Variants in CRB2 observed in about 807,000 individuals in gnomAD.
CRB2 encodes the protein protein crumbs homolog 2.
CRB2 carries 85 observed loss-of-function variants against 110.9 expected under a neutral mutation model. The observed-to-expected ratio is 0.77, with a 90% CI of 0.64 to 0.92. The LOEUF (loss-of-function observed/expected upper bound fraction) is 0.92, where lower values mean the gene tolerates loss of function less well. Among genes scored for constraint, CRB2 ranks in the 40% least tolerant of loss-of-function variants. The probability of loss-of-function intolerance (pLI) is 0.00; values close to 1 mark genes in which losing one functional copy is unlikely to be tolerated. For synonymous variants in CRB2, 907 were observed against 831.0 expected, an observed-to-expected ratio of 1.09 and a Z score of -1.57; for missense variants, 1,843 against 1,851.3, an observed-to-expected ratio of 1.00 and a Z score of 0.08.
At position 123,377,389 on chromosome 9, in the gene CRB2, TG is replaced by T; in HGVS notation, c.*330del. On this transcript the variant is annotated 3_prime_UTR_variant, in exon 13 of 13. Transcript: ENST00000373631. ...AGGAGTGTGTGTGTGAGTGTGTACC[TG>T]GGCCTGTGTTAGTCTGCAGATGCTA... is the stretch of plus-strand genomic sequence containing the variant. 3.7e-6 allele frequency: 1 copy of T among 271,382 alleles called. No homozygotes were observed. Among genetic ancestry groups the T allele is most frequent in the Non-Finnish European group, 6.9e-6 (1 of 144,754 alleles). 16.8% of individuals were successfully genotyped at this position (271,382 alleles called of 1,614,324 possible).
Position 123,375,303 on chromosome 9 carries a change from T to C in CRB2, c.3593T>C (p.Ile1198Thr), listed in dbSNP as rs142277917. The C allele has an allele frequency of 1.7e-4, 269 of 1,610,338 alleles. No homozygotes were observed. Among genetic ancestry groups the C allele is most frequent in the Non-Finnish European group, 2.2e-4 (256 of 1,178,146 alleles). The stretch of plus-strand genomic sequence containing the variant: ...GCAGCTGGAGGGGTGTCTGAATGTA[T>C]CTGCAATGCCAGATTCTCCGGCCAG... ...CRAAGGVSEC[I>T]CNARFSGQFC... is the part of the protein sequence containing the mutation. The change falls in exon 12 of 13, where the codon ATC (isoleucine) becomes ACC (threonine). Residue 1198 changes from isoleucine to threonine, a missense_variant. Transcript: ENST00000373631.
rs746427567 is a variant in CRB2 at position 123,371,054 on chromosome 9, C to T, written c.1928-16C>T. On this transcript the variant is annotated splice_polypyrimidine_tract_variant and intron_variant, in intron 7 of 12. Coordinates refer to ENST00000373631, the MANE Select transcript of CRB2 (RefSeq NM_173689.7). ...CAGCCTGCAGGCCTCACACCTGGCACCTTCTCTCCCTGCAGAGATTCCTGC... is the reference window on the plus strand; with the variant it reads ...CAGCCTGCAGGCCTCACACCTGGCATCTTCTCTCCCTGCAGAGATTCCTGC... 1.2e-6 allele frequency: 2 copies of T among 1,606,454 alleles called. No homozygotes were observed. Among genetic ancestry groups the T allele is most frequent in the African/African-American group, 1.3e-5 (1 of 74,826 alleles).
rs373049051 is a variant in CRB2 at position 123,363,008 on chromosome 9, G to C, written c.238G>C (p.Ala80Pro). 3 of 1,612,452 alleles carry C rather than the reference G, an allele frequency of 1.9e-6. No homozygotes were observed. The South Asian group carries it at 3.3e-5, about 18-fold the overall frequency. The part of the protein sequence containing the change: ...GCATQPCHHG[A>P]LCVPQGPDPT... ...TGCCACCCAGCCATGCCACCACGGC[G>C]CTCTGTGTGTGCCCCAGGGTCCAGA... is the stretch of plus-strand genomic sequence containing the variant. Residue 80 changes from alanine to proline, a missense_variant, in exon 2 of 13, where the codon GCT becomes CCT. Transcript: ENST00000373631.
At chr9:123,378,805 G>GTTTGTTTTTTTTT (rs2042150043), downstream of CRB2, 1 of 100,982 alleles carries the variant, frequency 9.9e-6, no homozygotes, top group African/African-American at 4.3e-5. Context: ...CCTGTTTTTT[G>GTTTGTTTTTTTTT]TTTTTTTTTT....
rs992064229 is a variant in CRB2 at position 123,374,150 on chromosome 9, G to A, written c.3389+230G>A. 31 of 700,594 alleles carry A rather than the reference G, an allele frequency of 4.4e-5. No homozygotes were observed. In the African/African-American group the frequency reaches 4.9e-4, roughly 11 times the overall value. 43.4% of individuals were successfully genotyped at this position (700,594 alleles called of 1,614,324 possible). ...AAACAGCGCTGTGGTCTGGGGCTGGGAGCCGCCTGCCGCTTACACGGAGGT... is the reference window on the plus strand; with the variant it reads ...AAACAGCGCTGTGGTCTGGGGCTGGAAGCCGCCTGCCGCTTACACGGAGGT... On this transcript the variant is annotated intron_variant, in intron 10 of 12. Coordinates refer to ENST00000373631, the MANE Select transcript of CRB2 (RefSeq NM_173689.7).
Position 123,367,372 on chromosome 9 carries a change from G to T in CRB2, c.940+15G>T. On this transcript the variant is annotated intron_variant, in intron 5 of 12. Transcript: ENST00000373631. ...TGGCTTTGAGGGTGAGCCCCTGCTG[G>T]GGAAGCGGTCAGCCCATGTCCAGAT... 1 of 1,594,790 alleles carries T rather than the reference G, an allele frequency of 6.3e-7. No individual in the cohort carries two copies.
intron 1 of CRB2, among the ~76,000 whole-genome samples, chr9:123,359,958 T>TC (rs397722644): frequency 2.0e-5 from 3 of 151,970 alleles, no homozygotes; most frequent in African/African-American, 2.4e-5. Flanking sequence ...TTTTTTTTTT[T>TC]CCTGGGTGAG....
In CRB2 at chr9:123,373,782, C is replaced by T. The variant is rs765515914; in HGVS notation, c.3251C>T (p.Pro1084Leu). ...LFDAFACACGPGWEGPRCEAH... is the reference protein window; with the variant it reads ...LFDAFACACGLGWEGPRCEAH... ...GACGCCTTTGCCTGCGCCTGCGGCC[C>T]GGGGTGGGAAGGCCCGCGCTGCGAA... Residue 1084 changes from proline to leucine, a missense_variant, in exon 10 of 13, where the codon CCG (proline) becomes CTG (leucine). Physicochemically the swap from Pro to Leu is moderately conservative, Grantham distance 98 (BLOSUM62 -3). Coordinates refer to ENST00000373631, the MANE Select transcript of CRB2 (RefSeq NM_173689.7). The T allele has an allele frequency of 6.3e-6, 10 of 1,590,786 alleles. No homozygotes were observed. The East Asian group carries it at 1.4e-4, about 22-fold the overall frequency.
intron 8 of CRB2, among the ~76,000 whole-genome samples, 178 bp from the exon 9 acceptor site, chr9:123,371,999 C>T (rs2042023894): frequency 6.6e-6 from 1 of 152,202 alleles, no homozygotes; most frequent in South Asian, 2.1e-4. Context: ...GGCTTTGCAT[C>T]ACTGAGCCTC....
Position 123,369,578 on chromosome 9 carries a change from C to T in CRB2, c.1055-530C>T, listed in dbSNP as rs116095072. On this transcript the variant is annotated intron_variant, in intron 6 of 12. Coordinates refer to ENST00000373631, the MANE Select transcript of CRB2 (RefSeq NM_173689.7). ...CAGTATGAGCAAAGCCCCAGAGTCA[C>T]GACTTTCCAGGAAATGCTCGGAGGA... Among the ~76,000 whole-genome samples the T allele has an allele frequency of 8.1e-3, 1,231 of 152,176 alleles. 11 individuals carry two copies. Among genetic ancestry groups the T allele is most frequent in the African/African-American group, 0.028 (1,181 of 41,482 alleles).
At chr9:123,379,428 A>G (rs1466435209), downstream of CRB2, among the ~76,000 whole-genome samples, 1 of 152,150 alleles carries the variant, frequency 6.6e-6, no homozygotes, top group African/African-American at 2.4e-5. Context: ...CGCAGGGCTG[A>G]GCAGGCCTGT....
upstream of CRB2, among the ~76,000 whole-genome samples, chr9:123,355,065 T>C (rs1446141807): frequency 2.0e-5 from 3 of 152,210 alleles, no homozygotes; most frequent in African/African-American, 7.2e-5. Flanking sequence ...CAGGCATGTA[T>C]TGGCAGGGGC....
At chr9:123,379,316 A>G (rs1279767048), downstream of CRB2, among the ~76,000 whole-genome samples, 1 of 152,112 alleles carries the variant, frequency 6.6e-6, no homozygotes, top group Non-Finnish European at 1.5e-5. Flanking sequence ...CTTGCTAATG[A>G]GAGACCTGTG....
At chr9:123,369,926 A>C (rs2041988834) in intron 6 of CRB2, among the ~76,000 whole-genome samples, 182 bp from the exon 7 acceptor site, 1 of 152,042 alleles carries the variant, frequency 6.6e-6, no homozygotes, top group South Asian at 2.1e-4. Context: ...AGACATGAGA[A>C]GGGAAGGGGC....
rs889337568 is a variant in CRB2 at position 123,373,756 on chromosome 9, C to G, written c.3225C>G (p.Phe1075Leu). The G allele has an allele frequency of 6.3e-7, 1 of 1,590,064 alleles. No homozygotes were observed. The change falls in exon 10 of 13, where the codon TTC (phenylalanine) becomes TTG (leucine). Residue 1075 changes from phenylalanine to leucine, a missense_variant. By Grantham distance (22) the Phe-to-Leu change is conservative. Transcript: ENST00000373631. ...CLHDGACRDL[F>L]DAFACACGPG... ...ACGACGGTGCCTGCCGTGACCTCTT[C>G]GACGCCTTTGCCTGCGCCTGCGGCC... is the stretch of plus-strand genomic sequence containing the variant.
At chr9:123,361,277 C>T (rs553557993) in intron 1 of CRB2, among the ~76,000 whole-genome samples, 31 of 152,332 alleles carry the variant, frequency 2.0e-4, no homozygotes, top group African/African-American at 7.5e-4. Flanking sequence ...GCAGTGCTGG[C>T]CACACCCAGT....
Position 123,376,995 on chromosome 9 carries a change from A to T in CRB2, c.3791A>T (p.Glu1264Val). Residue 1264 changes from glutamate (E) to valine (V), a missense_variant, in exon 13 of 13, where the codon GAG becomes GTG. Physicochemically the swap from Glu to Val is moderately radical, Grantham distance 121. Transcript: ENST00000373631. ...GGCACCTACAGCCCAAGCCAGCAGG[A>T]GGTGGCTGGGGCCCGGCTGGAGATG... ...SEGTYSPSQQEVAGARLEMDS... is the reference protein window; with the variant it reads ...SEGTYSPSQQVVAGARLEMDS... 3 of 1,609,426 alleles carry T rather than the reference A, an allele frequency of 1.9e-6. No homozygotes were observed. Among genetic ancestry groups the T allele is most frequent in the Non-Finnish European group, 2.5e-6 (3 of 1,178,664 alleles).
chr9:123,371,131 A>C lies in CRB2; in HGVS notation c.1989A>C (p.Gln663His). The C allele has an allele frequency of 1.2e-6, 2 of 1,613,434 alleles. No individual in the cohort carries two copies. The highest frequency in any genetic ancestry group is 1.7e-6 in the Non-Finnish European group (2 of 1,179,992). Residue 663 changes from glutamine (Q) to histidine (H), a missense_variant, in exon 8 of 13, where the codon CAA becomes CAC. Coordinates refer to ENST00000373631, the MANE Select transcript of CRB2 (RefSeq NM_173689.7). The part of the protein sequence containing the change: ...GAPSSASFLL[Q>H]ELPGPNLTVS... Reference sequence around the variant, plus strand: ...CAAGCTCTGCCTCCTTTCTGCTCCAAGAGCTGCCAGGTCCCAACCTCACAG... The same window carrying C: ...CAAGCTCTGCCTCCTTTCTGCTCCACGAGCTGCCAGGTCCCAACCTCACAG...
chr9:123,359,631 T>C (rs541304851), intron 1 of CRB2, among the ~76,000 whole-genome samples: 13 of 151,968 alleles, frequency 8.6e-5, no homozygotes, highest in African/African-American at 3.1e-4. Context: ...TTTGTTTTCA[T>C]AGAGCCAGCG....
Sources: allele counts gnomAD v4.1 joint callset (sites outside exome capture counted in the v4.1 genomes callset), GRCh38; gene constraint gnomAD v4.1.1; transcripts MANE v1.5; gene names NCBI Gene and HGNC (gene_info 2026-07-23, HGNC 2026-07-21).